ZRANB3: variants seen among roughly 807,000 people sequenced by gnomAD.
The protein encoded by ZRANB3 is DNA annealing helicase and endonuclease ZRANB3.
ZRANB3 carries 125 observed loss-of-function variants against 133.8 expected under a neutral mutation model. The ratio of observed to expected loss-of-function variants is 0.93; its 90% CI spans 0.81 to 1.08. The LOEUF (loss-of-function observed/expected upper bound fraction) is 1.08, where lower values mean the gene tolerates loss of function less well. Ranked by LOEUF, ZRANB3 falls within the 50% of genes least tolerant of loss-of-function variation. The pLI is 0.00. For missense variants in ZRANB3, 1,229 were observed against 1,275.5 expected (o/e 0.96, Z 0.56); for synonymous variants, 387 against 432.7 (o/e 0.89, Z 1.31).
At chr2:135,421,857 CCTT>C (rs2104970139) in intron 2 of ZRANB3, among the ~76,000 whole-genome samples, 1 of 150,446 alleles carries the variant, frequency 6.6e-6, no homozygotes, top group East Asian at 1.9e-4. Context: ...TTGTTCTCCT[CCTT>C]CTTGAATACT....
chr2:135,203,407 C>T (rs1693707225), intron 19 of ZRANB3, among the ~76,000 whole-genome samples: 1 of 152,000 alleles, frequency 6.6e-6, no homozygotes, highest in South Asian at 2.1e-4. Flanking sequence ...ATCACTAGGT[C>T]AGGAGATCGA....
chr2:135,455,052 T>C (rs143017385), intron 2 of ZRANB3, among the ~76,000 whole-genome samples: 2 of 151,968 alleles, frequency 1.3e-5, no homozygotes, highest in Non-Finnish European at 2.9e-5. Flanking sequence ...ACAAGAGGTA[T>C]ATATAACTTA....
chr2:135,300,513 T>C (rs764984357), intron 8 of ZRANB3, among the ~76,000 whole-genome samples: 7 of 152,198 alleles, frequency 4.6e-5, no homozygotes, highest in Non-Finnish European at 1.0e-4. Flanking sequence ...GCTTGCACCT[T>C]GTTGTGTTTG....
intron 2 of ZRANB3, among the ~76,000 whole-genome samples, chr2:135,445,372 A>C (rs893213956): frequency 1.3e-5 from 2 of 150,446 alleles, no homozygotes; most frequent in Non-Finnish European, 3.0e-5. Context: ...TGAACTCGGG[A>C]GGTGGAGGTT....
At chr2:135,452,600 A>G (rs569945603) in intron 2 of ZRANB3, among the ~76,000 whole-genome samples, 2 of 148,028 alleles carry the variant, frequency 1.4e-5, no homozygotes, top group Admixed American at 6.7e-5. Flanking sequence ...AAATGGAGGA[A>G]TTGGCCAAAA....
chr2:135,324,009 T>A (rs555105682), intron 6 of ZRANB3, among the ~76,000 whole-genome samples: 1 of 152,108 alleles, frequency 6.6e-6, no homozygotes, highest in Non-Finnish European at 1.5e-5. Context: ...CCTCAGGTGA[T>A]CCGCCCACCT....
chr2:135,517,871 T>TC (rs1693764569), intron 1 of ZRANB3, among the ~76,000 whole-genome samples: 1 of 152,110 alleles, frequency 6.6e-6, no homozygotes, highest in Non-Finnish European at 1.5e-5. Context: ...AGCTGCCCCT[T>TC]CCCCCAGGTG....
chr2:135,256,144 A>ACAG (rs1235038623), intron 12 of ZRANB3, among the ~76,000 whole-genome samples: 2 of 152,132 alleles, frequency 1.3e-5, no homozygotes, highest in East Asian at 3.9e-4. Context: ...TTGTTCTTTG[A>ACAG]CAGCAGTCAC....
At chr2:135,461,342 G>T (rs994328013) in intron 2 of ZRANB3, among the ~76,000 whole-genome samples, 4 of 152,256 alleles carry the variant, frequency 2.6e-5, no homozygotes, top group Admixed American at 2.6e-4. Flanking sequence ...GGCCAAAGGG[G>T]GCAGATCACC....
At chr2:135,285,643 C>G (rs562379715) in intron 8 of ZRANB3, among the ~76,000 whole-genome samples, 2 of 152,296 alleles carry the variant, frequency 1.3e-5, no homozygotes, top group Admixed American at 1.3e-4. Context: ...TGTTAAGGCA[C>G]GAAGGAATGC....
At chr2:135,470,947 G>A (rs957772489) in intron 2 of ZRANB3, among the ~76,000 whole-genome samples, 1 of 150,508 alleles carries the variant, frequency 6.6e-6, no homozygotes, top group Non-Finnish European at 1.5e-5. Flanking sequence ...GACTACAGGC[G>A]CCCGCCACCA....
intron 2 of ZRANB3, among the ~76,000 whole-genome samples, chr2:135,435,325 G>T (rs1295941440): frequency 6.6e-6 from 1 of 152,078 alleles, no homozygotes; most frequent in Non-Finnish European, 1.5e-5. Flanking sequence ...ACATGATCTT[G>T]TTCTTTTTTA....
chr2:135,215,317 C>T (rs1337916388), intron 17 of ZRANB3, among the ~76,000 whole-genome samples: 1 of 151,858 alleles, frequency 6.6e-6, no homozygotes, highest in Non-Finnish European at 1.5e-5. Context: ...ACTGCAGTGG[C>T]ACAATCATGG....
intron 3 of ZRANB3, among the ~76,000 whole-genome samples, chr2:135,380,575 G>A (rs6747189): frequency 0.27 from 40,627 of 151,994 alleles, 9,130 homozygotes; most frequent in African/African-American, 0.6. Flanking sequence ...TGGTTAAATA[G>A]TGAAATAAAG....
Position 135,504,495 on chromosome 2 carries a change from T to A in ZRANB3, c.-6A>T, listed in dbSNP as rs1266108830. ...ATGTTATGAACCCTAGGCATGATGA[T>A]CCTAAAAACAAAGAAACAACAAAAA... On this transcript the variant is annotated splice_region_variant and 5_prime_UTR_variant, in exon 2 of 21. Transcript: ENST00000264159. 6.2e-7 allele frequency: 1 copy of A among 1,600,748 alleles called. No homozygotes were observed. Among genetic ancestry groups the A allele is most frequent in the South Asian group, 1.1e-5 (1 of 87,700 alleles).
intron 2 of ZRANB3, among the ~76,000 whole-genome samples, chr2:135,441,317 C>T (rs992354247): frequency 6.6e-6 from 1 of 152,076 alleles, no homozygotes; most frequent in East Asian, 1.9e-4. Context: ...AGAGGGCAAC[C>T]GAATGACATT....
chr2:135,496,347 G>A lies in ZRANB3; in HGVS notation c.161+7982C>T, dbSNP rs184999529. Among the ~76,000 whole-genome samples the A allele has an allele frequency of 1.2e-3, 149 of 125,132 alleles. 1 individual carries two copies. The highest frequency in any genetic ancestry group is 4.3e-3 in the African/African-American group (144 of 33,702). The allele number at this position is 125,132 out of a possible 152,430, so 82.1% of individuals were successfully genotyped here. ...TGCAGTGAGCCAAGATGGCACCACTGTACTCCAGCCTGGGCAACAAGAGCA... is the reference window on the plus strand; with the variant it reads ...TGCAGTGAGCCAAGATGGCACCACTATACTCCAGCCTGGGCAACAAGAGCA... On this transcript the variant is annotated intron_variant, in intron 2 of 20. Coordinates refer to ENST00000264159, the MANE Select transcript of ZRANB3 (RefSeq NM_032143.4).
Position 135,228,018 on chromosome 2 carries a change from A to G in ZRANB3, c.1955-3T>C. 6.6e-7 allele frequency: 1 copy of G among 1,512,832 alleles called. No homozygotes were observed. Among genetic ancestry groups the G allele is most frequent in the South Asian group, 1.3e-5 (1 of 75,806 alleles). The allele number at this position is 1,512,832 out of a possible 1,614,324, so 93.7% of individuals were successfully genotyped here. A position where few individuals can be genotyped will look rare whatever the true frequency, so the allele number is the denominator to read the frequency against. Reference sequence around the variant, plus strand: ...GTTGAGGCTATCTATTTGCATAACTATTAAAATAAAAATTATTACAAAAAT... The same window carrying G: ...GTTGAGGCTATCTATTTGCATAACTGTTAAAATAAAAATTATTACAAAAAT... On this transcript the variant is annotated splice_polypyrimidine_tract_variant and splice_region_variant and intron_variant, in intron 13 of 20. Coordinates refer to ENST00000264159, the MANE Select transcript of ZRANB3 (RefSeq NM_032143.4).
At chr2:135,325,983 T>C (rs909244199) in intron 6 of ZRANB3, among the ~76,000 whole-genome samples, 7 of 152,174 alleles carry the variant, frequency 4.6e-5, no homozygotes, top group African/African-American at 1.7e-4. Flanking sequence ...ACAATTTAGA[T>C]TCTTCCACAA....
Sources: gnomAD v4.1 joint callset for allele counts (sites outside exome capture counted in the v4.1 genomes callset) on GRCh38, gnomAD v4.1.1 for gene constraint, MANE v1.5 for transcripts, NCBI Gene and HGNC (gene_info 2026-07-23, HGNC 2026-07-21) for gene names.